The following UST variants were observed in gnomAD, a reference collection of about 807,000 sequenced individuals.
UST encodes the protein chondroitin sulfate 2-O-sulfotransferase.
In UST, 21 loss-of-function variants were observed where a neutral mutation model predicts 45.6. The observed-to-expected ratio is 0.46, with a 90% CI of 0.33 to 0.66. The LOEUF is 0.66. Ranked by LOEUF, UST falls within the 30% of genes least tolerant of loss-of-function variation. The pLI, the probability that UST is intolerant of heterozygous loss-of-function variation, is 0.02. For missense variants in UST, 463 were observed against 512.4 expected, an observed-to-expected ratio of 0.90 and a Z score of 0.93; for synonymous variants, 215 against 200.6, an observed-to-expected ratio of 1.07 and a Z score of -0.61.
intron 7 of UST, among the ~76,000 whole-genome samples, chr6:149,023,144 GT>G (rs779433852): frequency 1.2e-4 from 14 of 117,376 alleles, no homozygotes; most frequent in South Asian, 2.6e-4. Context: ...GTGTGTGTGT[GT>G]GTGTGGTGTG....
chr6:149,043,013 T>TTCTC (rs368581433), intron 7 of UST, among the ~76,000 whole-genome samples: 1 of 83,920 alleles, frequency 1.2e-5, no homozygotes, highest in African/African-American at 5.3e-5. Context: ...CTTTCTTTCT[T>TTCTC]TCTTTCTTTT....
At chr6:148,884,676 A>G (rs1778881140) in intron 1 of UST, among the ~76,000 whole-genome samples, 1 of 152,016 alleles carries the variant, frequency 6.6e-6, no homozygotes, top group African/African-American at 2.4e-5. Flanking sequence ...ATTGAGTTTA[A>G]GCAGAGGGCT....
chr6:148,770,330 A>G (rs1776399512), intron 1 of UST, among the ~76,000 whole-genome samples: 1 of 150,374 alleles, frequency 6.7e-6, no homozygotes, highest in Non-Finnish European at 1.5e-5. Flanking sequence ...ATGTGGGAAA[A>G]GGGCATTCTA....
At chr6:149,041,394 G>A (rs999610505) in intron 7 of UST, among the ~76,000 whole-genome samples, 7 of 152,238 alleles carry the variant, frequency 4.6e-5, no homozygotes, top group African/African-American at 1.2e-4. Context: ...TGAGATAGGA[G>A]CACAAATGCA....
At chr6:148,758,319 T>C (rs889095737) in intron 1 of UST, among the ~76,000 whole-genome samples, 2 of 152,202 alleles carry the variant, frequency 1.3e-5, no homozygotes, top group African/African-American at 4.8e-5. Flanking sequence ...CTCTTCTGCT[T>C]CCTGGAGATA....
chr6:148,971,376 C>G (rs922550191), intron 5 of UST, among the ~76,000 whole-genome samples: 3 of 152,178 alleles, frequency 2.0e-5, no homozygotes, highest in Non-Finnish European at 4.4e-5. Flanking sequence ...CACTGTCAGT[C>G]CTCATGGAGC....
chr6:148,761,937 G>A (rs1183703807), intron 1 of UST, among the ~76,000 whole-genome samples: 10 of 152,196 alleles, frequency 6.6e-5, no homozygotes, highest in Non-Finnish European at 1.2e-4. Context: ...TAAAAATGGA[G>A]AAACGATTCC....
intron 3 of UST, among the ~76,000 whole-genome samples, chr6:148,942,290 A>C (rs1398149885): frequency 6.6e-6 from 1 of 152,050 alleles, no homozygotes; most frequent in Non-Finnish European, 1.5e-5. Flanking sequence ...TCATTATAAA[A>C]ATTTCCTCAT....
At chr6:148,984,965 AT>A (rs1237711528) in intron 5 of UST, among the ~76,000 whole-genome samples, 1 of 152,228 alleles carries the variant, frequency 6.6e-6, no homozygotes, top group Non-Finnish European at 1.5e-5. Context: ...TTCATGAGTA[AT>A]TGGCTATGGA....
At chr6:148,788,118 CAA>C (rs1399036331) in intron 1 of UST, among the ~76,000 whole-genome samples, 1 of 152,088 alleles carries the variant, frequency 6.6e-6, no homozygotes, top group East Asian at 1.9e-4. Flanking sequence ...ATTGCAGCGG[CAA>C]GAGAGAGAAT....
chr6:149,049,173 G>GA (rs989637955), intron 7 of UST, among the ~76,000 whole-genome samples: 1 of 150,774 alleles, frequency 6.6e-6, no homozygotes, highest in South Asian at 2.1e-4. Flanking sequence ...TTCAATGCTA[G>GA]AAAAAAAAAT....
chr6:148,769,205 A>G (rs144853846), intron 1 of UST, among the ~76,000 whole-genome samples: 1 of 152,366 alleles, frequency 6.6e-6, no homozygotes, highest in African/African-American at 2.4e-5. Flanking sequence ...AGGAACACAG[A>G]CAGCACTCAT....
intron 1 of UST, among the ~76,000 whole-genome samples, chr6:148,785,807 C>A (rs757692161): frequency 1.3e-5 from 2 of 152,124 alleles, no homozygotes; most frequent in Non-Finnish European, 2.9e-5. Context: ...CTAACTGATA[C>A]CCCAAACCAT....
intron 3 of UST, among the ~76,000 whole-genome samples, chr6:148,945,645 C>T (rs1188010960): frequency 6.6e-6 from 1 of 152,094 alleles, no homozygotes; most frequent in Non-Finnish European, 1.5e-5. Context: ...TGCCTTGTCC[C>T]GAATGAATCA....
chr6:149,016,732 C>G (rs1215024211), intron 5 of UST, among the ~76,000 whole-genome samples: 7 of 152,170 alleles, frequency 4.6e-5, no homozygotes. Context: ...GGGCTGACTG[C>G]GTATGTGACA....
chr6:148,817,016 C>T (rs1777368375), intron 1 of UST, among the ~76,000 whole-genome samples: 1 of 152,174 alleles, frequency 6.6e-6, no homozygotes, highest in African/African-American at 2.4e-5. Context: ...TCCCGGGCCC[C>T]ACTCCTGGTT....
chr6:148,924,765 C>T (rs573904163), intron 2 of UST, among the ~76,000 whole-genome samples: 1 of 152,262 alleles, frequency 6.6e-6, no homozygotes, highest in African/African-American at 2.4e-5. Flanking sequence ...CAGACCCCAA[C>T]CCAATAGCTC....
intron 7 of UST, among the ~76,000 whole-genome samples, chr6:149,025,014 G>A (rs1025430724): frequency 6.6e-6 from 1 of 152,034 alleles, no homozygotes; most frequent in African/African-American, 2.4e-5. Context: ...CTAAAAATAT[G>A]TATACCAGTC....
intron 1 of UST, among the ~76,000 whole-genome samples, chr6:148,822,798 T>C (rs1310369893): frequency 6.6e-6 from 1 of 152,212 alleles, no homozygotes; most frequent in Non-Finnish European, 1.5e-5. Flanking sequence ...AAAATCTTAG[T>C]GGAAGAACTT....
Sources: allele counts gnomAD v4.1 joint callset (sites outside exome capture counted in the v4.1 genomes callset), GRCh38; gene constraint gnomAD v4.1.1; transcripts MANE v1.5; gene names NCBI Gene and HGNC (gene_info 2026-07-23, HGNC 2026-07-21).